The following ROBO2 variants were observed in gnomAD, a reference collection of about 807,000 sequenced individuals.
ROBO2 encodes the protein roundabout guidance receptor 2, also known as roundabout homolog 2.
A neutral mutation model predicts 160.8 loss-of-function variants in ROBO2; 53 were observed. That is an observed-to-expected ratio of 0.33 (90% CI 0.26 to 0.41). The LOEUF (loss-of-function observed/expected upper bound fraction) is 0.41. Ranked by LOEUF, ROBO2 falls within the 10% of genes least tolerant of loss-of-function variation. The probability of loss-of-function intolerance (pLI) is 1.00; values close to 1 mark genes in which losing one functional copy is unlikely to be tolerated. For missense variants in ROBO2, 1,577 were observed against 1,722.4 expected, an observed-to-expected ratio of 0.92 and a Z score of 1.49; for synonymous variants, 664 against 611.7, an observed-to-expected ratio of 1.09 and a Z score of -1.26.
chr3:76,427,979 T>C (rs191225118), intron 2 of ROBO2, among the ~76,000 whole-genome samples: 1 of 152,298 alleles, frequency 6.6e-6, no homozygotes, highest in Non-Finnish European at 1.5e-5. Flanking sequence ...TTAAAAAATA[T>C]AGATACTATC....
chr3:77,632,504 C>G, intron 23 of ROBO2: 1 of 1,534,910 alleles, frequency 6.5e-7, no homozygotes, highest in Non-Finnish European at 8.7e-7. Context: ...GGCTCTGCAT[C>G]TGATGAGGAT....
chr3:77,647,601 G>A (rs950207507), exon 26 of ROBO2: 2 of 152,096 alleles, frequency 1.3e-5, no homozygotes, highest in Non-Finnish European at 2.9e-5. Context: ...ATGTGACTTT[G>A]AAATATATGT....
At chr3:77,139,500 T>C (rs930957560) in intron 2 of ROBO2, among the ~76,000 whole-genome samples, 8 of 152,190 alleles carry the variant, frequency 5.3e-5, no homozygotes, top group African/African-American at 1.7e-4. Context: ...AAGAGCCTAC[T>C]AATAAAAATA....
intron 2 of ROBO2, among the ~76,000 whole-genome samples, chr3:76,846,858 G>A (rs561112470): frequency 5.9e-5 from 9 of 151,978 alleles, no homozygotes; most frequent in African/African-American, 2.2e-4. Flanking sequence ...GACCAATACT[G>A]GTCTGTAGCT....
intron 2 of ROBO2, among the ~76,000 whole-genome samples, chr3:76,387,416 A>G (rs1209504617): frequency 6.6e-6 from 1 of 152,056 alleles, no homozygotes; most frequent in Non-Finnish European, 1.5e-5. Context: ...ATTAAAAATC[A>G]TTATTAATAG....
At chr3:77,577,601 T>A in exon 15 of ROBO2, 2 of 1,613,322 alleles carry the variant, frequency 1.2e-6, no homozygotes, top group African/African-American at 1.3e-5. Context: ...AATGGAATTA[T>A]CCAAGAATAC....
chr3:76,332,253 C>A (rs1480081444), intron 2 of ROBO2, among the ~76,000 whole-genome samples: 1 of 152,108 alleles, frequency 6.6e-6, no homozygotes, highest in East Asian at 1.9e-4. Flanking sequence ...GAAAAAGAGC[C>A]TGTGAATAAT....
intron 2 of ROBO2, among the ~76,000 whole-genome samples, chr3:77,002,184 CT>C (rs1485561166): frequency 3.3e-5 from 5 of 152,076 alleles, no homozygotes; most frequent in Non-Finnish European, 5.9e-5. Flanking sequence ...CCTAGATTAT[CT>C]CTTTCATGTT....
chr3:75,945,372 A>T (rs992186968), intron 2 of ROBO2, among the ~76,000 whole-genome samples: 1 of 152,156 alleles, frequency 6.6e-6, no homozygotes, highest in Non-Finnish European at 1.5e-5. Flanking sequence ...TCTGGAGCAA[A>T]GCACACAGTT....
chr3:76,445,300 A>G (rs574422578), intron 2 of ROBO2, among the ~76,000 whole-genome samples: 1 of 152,314 alleles, frequency 6.6e-6, no homozygotes, highest in Non-Finnish European at 1.5e-5. Flanking sequence ...GAAAGTGTGT[A>G]TTTTCTAACT....
chr3:77,397,055 TGTGA>T lies in ROBO2; in HGVS notation c.389-80356_389-80353del, dbSNP rs199991730. Among the ~76,000 whole-genome samples the T allele has an allele frequency of 5.5e-4, 84 of 152,240 alleles. No homozygotes were observed. The East Asian group carries it at 0.013, about 23-fold the overall frequency. ...GTCACATCTGAATTTCAGGAAACTGTGTGAGTATTACACATATCATTAGATTATC... is the reference window on the plus strand; with the variant it reads ...GTCACATCTGAATTTCAGGAAACTGTGTATTACACATATCATTAGATTATC... On this transcript the variant is annotated intron_variant, in intron 2 of 25. Transcript: ENST00000461745.
At chr3:77,516,145 T>C (rs931531423) in intron 5 of ROBO2, among the ~76,000 whole-genome samples, 1 of 151,648 alleles carries the variant, frequency 6.6e-6, no homozygotes, top group African/African-American at 2.4e-5. Flanking sequence ...ATTGTTATTT[T>C]TACACATGCT....
rs573809116 is a variant in ROBO2 at position 77,649,380 on chromosome 3, T to C, written c.*3325T>C. 3 of 152,322 alleles carry C rather than the reference T, an allele frequency of 2.0e-5. No individual in the cohort carries two copies. The South Asian group carries it at 6.2e-4, about 32-fold the overall frequency. 9.4% of individuals were successfully genotyped at this position (152,322 alleles called of 1,614,324 possible). A position where few individuals can be genotyped will look rare whatever the true frequency, so the allele number is the denominator to read the frequency against. On this transcript the variant is annotated 3_prime_UTR_variant, in exon 26 of 26. Transcript: ENST00000461745. ...TCTCAATTTCTATTCAATAAACTTATGTAATTGTCCATTGACAATATAATG... is the reference window on the plus strand; with the variant it reads ...TCTCAATTTCTATTCAATAAACTTACGTAATTGTCCATTGACAATATAATG...
chr3:76,234,286 T>C (rs1202474709), intron 2 of ROBO2, among the ~76,000 whole-genome samples: 1 of 152,210 alleles, frequency 6.6e-6, no homozygotes, highest in African/African-American at 2.4e-5. Flanking sequence ...GTCTTTATGG[T>C]AGAATAATTT....
At position 76,188,447 on chromosome 3, in the gene ROBO2, G is replaced by A. The variant is rs143788578; in HGVS notation, c.109+250845G>A. Among the ~76,000 whole-genome samples the A allele has an allele frequency of 1.3e-3, 192 of 152,138 alleles. 3 individuals are homozygous for A. Among genetic ancestry groups the A allele is most frequent in the Non-Finnish European group, 2.3e-3 (153 of 67,974 alleles). On this transcript the variant is annotated intron_variant, in intron 2 of 26. Coordinates refer to the ROBO2 transcript ENST00000487694. ...CATCTGCAAGCCAAGGAATAACAAGGATTGCCTGCAAACACCTCAAGCAAG... is the reference window on the plus strand; with the variant it reads ...CATCTGCAAGCCAAGGAATAACAAGAATTGCCTGCAAACACCTCAAGCAAG...
At chr3:77,506,700 G>GT (rs2088581373) in intron 5 of ROBO2, among the ~76,000 whole-genome samples, 1 of 152,116 alleles carries the variant, frequency 6.6e-6, no homozygotes, top group Non-Finnish European at 1.5e-5. Flanking sequence ...TGGCGATAGT[G>GT]TTGAGGTTAA....
At chr3:77,270,745 C>T (rs974352014) in intron 2 of ROBO2, among the ~76,000 whole-genome samples, 67 of 152,194 alleles carry the variant, frequency 4.4e-4, no homozygotes, top group African/African-American at 1.5e-3. Flanking sequence ...GAGTTCGAGA[C>T]CAGCCTGGCC....
intron 4 of ROBO2, among the ~76,000 whole-genome samples, chr3:77,485,373 T>G (rs1292657086): frequency 1.3e-5 from 2 of 152,170 alleles, no homozygotes; most frequent in African/African-American, 4.8e-5. Context: ...CATGATGCTC[T>G]TGAGAAGTCT....
At chr3:76,961,203 G>T (rs552295863) in intron 2 of ROBO2, among the ~76,000 whole-genome samples, 2 of 131,030 alleles carry the variant, frequency 1.5e-5, no homozygotes, top group South Asian at 2.6e-4. Context: ...AATTTCCATG[G>T]ATAGTTCAGA....
Sources: allele counts gnomAD v4.1 joint callset (sites outside exome capture counted in the v4.1 genomes callset), GRCh38; gene constraint gnomAD v4.1.1; transcripts MANE v1.5; gene names NCBI Gene and HGNC (gene_info 2026-07-23, HGNC 2026-07-21).